Variants in KCNH3 observed in about 807,000 individuals in gnomAD.
KCNH3 encodes potassium voltage-gated channel subfamily H member 3.
KCNH3 carries 36 observed loss-of-function variants against 95.6 expected under a neutral mutation model. The observed-to-expected ratio is 0.38, with a 90% confidence interval of 0.29 to 0.50. The LOEUF (loss-of-function observed/expected upper bound fraction) is 0.50. Ranked by LOEUF, KCNH3 falls within the 20% of genes least tolerant of loss-of-function variation. The pLI is 0.95. For synonymous variants in KCNH3, 620 were observed against 646.3 expected (o/e 0.96, Z 0.62); for missense variants, 1,030 against 1,484.1 (o/e 0.69, Z 5.03).
At chr12:49,553,043 C>T (rs557396292) in intron 10 of KCNH3, among the ~76,000 whole-genome samples, 84 of 152,318 alleles carry the variant, frequency 5.5e-4, no homozygotes, top group Non-Finnish European at 8.8e-4. Flanking sequence ...TTTTGAAACA[C>T]TTTCTAACAG....
intron 11 of KCNH3, among the ~76,000 whole-genome samples, chr12:49,555,284 CA>C (rs1157061451): frequency 0.054 from 3,608 of 66,840 alleles, 55 homozygotes; most frequent in Non-Finnish European, 0.069. Flanking sequence ...ACTAAAAATA[CA>C]AAAAAAAAAA....
At chr12:49,541,812 C>T (rs373909626) in intron 3 of KCNH3, 48 bp downstream of exon 3, 42 of 1,600,704 alleles carry the variant, frequency 2.6e-5, no homozygotes, top group Non-Finnish European at 3.2e-5. Flanking sequence ...GCCGCAGGCC[C>T]GGGCGGGGCC....
In KCNH3 at chr12:49,542,782, C is replaced by G; in HGVS notation, c.522C>G (p.Leu174=). 2 of 1,600,094 alleles carry G rather than the reference C, an allele frequency of 1.2e-6. No individual in the cohort carries two copies. Among genetic ancestry groups the G allele is most frequent in the South Asian group, 2.3e-5 (2 of 88,134 alleles). ...NANRRRSRAV[L]YHLSGHLQKQ... Reference sequence around the variant, plus strand: ...ACCGGCGGCGGAGCCGGGCCGTGCTCTACCACCTGTCCGGGCACCTGCAGA... The same window carrying G: ...ACCGGCGGCGGAGCCGGGCCGTGCTGTACCACCTGTCCGGGCACCTGCAGA... Residue 174 remains leucine (L), a synonymous_variant, in exon 4 of 15, where the codon CTC becomes CTG. Coordinates refer to ENST00000257981, the MANE Select transcript of KCNH3 (RefSeq NM_012284.3).
In KCNH3 at chr12:49,556,476, G is replaced by A; in HGVS notation, c.2575G>A (p.Glu859Lys). 6.2e-7 allele frequency: 1 copy of A among 1,608,360 alleles called. No individual in the cohort carries two copies. Among genetic ancestry groups the A allele is most frequent in the Non-Finnish European group, 8.5e-7 (1 of 1,174,836 alleles). ...ECSSSPSPGP[E>K]SGLLTVPHGP... The stretch of plus-strand genomic sequence containing the variant: ...TAGCAGCAGCCCCTCCCCTGGACCA[G>A]GTACCAGGGCCCCGGGATGGTCTAG... The change falls in exon 13 of 15, where the codon GAG (glutamate) becomes AAG (lysine). Residue 859 changes from glutamate (E) to lysine (K), a missense_variant and splice_region_variant. Coordinates refer to ENST00000257981, the MANE Select transcript of KCNH3 (RefSeq NM_012284.3).
At chr12:49,544,145 T>TTCCCAA in intron 6 of KCNH3, 30 bp from the exon 7 acceptor site, 4 of 818,352 alleles carry the variant, frequency 4.9e-6, no homozygotes, top group Non-Finnish European at 7.8e-6. Context: ...CTGACCTCCC[T>TTCCCAA]CCCTCCCTCC....
At chr12:49,550,659 G>A (rs972972702) in intron 10 of KCNH3, among the ~76,000 whole-genome samples, 2 of 152,176 alleles carry the variant, frequency 1.3e-5, no homozygotes, top group African/African-American at 4.8e-5. Flanking sequence ...TGGAAGTGCT[G>A]GGGAGAGTGT....
intron 4 of KCNH3, among the ~76,000 whole-genome samples, 169 bp downstream of exon 4, chr12:49,543,008 G>GA (rs1163536763): frequency 6.6e-6 from 1 of 152,236 alleles, no homozygotes; most frequent in Non-Finnish European, 1.5e-5. Context: ...TCCATCAGAA[G>GA]AAAGTCCTGG....
At chr12:49,551,544 C>T (rs184658394) in intron 10 of KCNH3, among the ~76,000 whole-genome samples, 18 of 145,520 alleles carry the variant, frequency 1.2e-4, no homozygotes, top group African/African-American at 4.7e-4. Context: ...CCACTGCACT[C>T]CAGCCTGGGC....
At position 49,542,764 on chromosome 12, in the gene KCNH3, G is replaced by A; in HGVS notation, c.504G>A (p.Arg168=). ...CCAAAGGCTTCAATGCCAACCGGCG[G>A]CGGAGCCGGGCCGTGCTCTACCACC... is the stretch of plus-strand genomic sequence containing the variant. ...ARSKGFNANR[R]RSRAVLYHLS... The change falls in exon 4 of 15, where the codon CGG becomes CGA. Residue 168 remains arginine (R), a synonymous_variant. Coordinates refer to ENST00000257981, the MANE Select transcript of KCNH3 (RefSeq NM_012284.3). 3.8e-6 allele frequency: 6 copies of A among 1,593,020 alleles called. No individual in the cohort carries two copies. Among genetic ancestry groups the A allele is most frequent in the Middle Eastern group, 3.3e-4 (2 of 6,022 alleles).
At chr12:49,554,591 G>C in intron 11 of KCNH3, 37 bp downstream of exon 11, 1 of 1,556,606 alleles carries the variant, frequency 6.4e-7, no homozygotes, top group South Asian at 1.1e-5. Flanking sequence ...GGGGATGGGG[G>C]TGCCAGGGAG....
At chr12:49,557,289 G>T in intron 14 of KCNH3, 30 bp downstream of exon 14, 1 of 1,613,758 alleles carries the variant, frequency 6.2e-7, no homozygotes, top group South Asian at 1.1e-5. Flanking sequence ...GAGGTGAGGG[G>T]GGCACCAGGG....
At position 49,550,062 on chromosome 12, in the gene KCNH3, GCACCTGCT is replaced by G. The variant is rs774293308; in HGVS notation, c.1669-10_1669-3del. The G allele has an allele frequency of 6.0e-6, 3 of 501,660 alleles. No individual in the cohort carries two copies. The highest frequency in any genetic ancestry group is 4.4e-5 in the South Asian group (2 of 45,910). 31.1% of individuals were successfully genotyped at this position (501,660 alleles called of 1,614,324 possible). On this transcript the variant is annotated splice_polypyrimidine_tract_variant and intron_variant, in intron 9 of 14. Coordinates refer to ENST00000257981, the MANE Select transcript of KCNH3 (RefSeq NM_012284.3). ...TGCCACTCCCAACCCCCCCACCCCC[GCACCTGCT>G]CACCTGCAGCTGCTGCAGAGCCTCC...
chr12:49,549,396 C>T (rs371128065), intron 8 of KCNH3, 45 bp from the exon 9 acceptor site: 2 of 1,595,074 alleles, frequency 1.3e-6, no homozygotes, highest in African/African-American at 1.3e-5. Context: ...GGTGTCAGGC[C>T]GGGCCAGGTC....
rs1938160069 is a variant in KCNH3 at position 49,548,939 on chromosome 12, C to T, written c.1234C>T (p.Leu412=). 1 of 1,601,258 alleles carries T rather than the reference C, an allele frequency of 6.2e-7. No individual in the cohort carries two copies. Among genetic ancestry groups the T allele is most frequent in the East Asian group, 2.3e-5 (1 of 44,214 alleles). The change falls in exon 8 of 15, where the codon CTG becomes TTG. Residue 412 remains leucine (L), a synonymous_variant. Coordinates refer to ENST00000257981, the MANE Select transcript of KCNH3 (RefSeq NM_012284.3). The part of the protein sequence containing the change: ...LARRLETPYY[L]VGRRPAGGNS... ...CCGCCGACTGGAGACTCCCTACTACCTGGTGGGCCGGAGGCCAGCTGGAGG... is the reference window on the plus strand; with the variant it reads ...CCGCCGACTGGAGACTCCCTACTACTTGGTGGGCCGGAGGCCAGCTGGAGG...
chr12:49,553,204 C>T (rs940400146), intron 10 of KCNH3, among the ~76,000 whole-genome samples: 6 of 151,348 alleles, frequency 4.0e-5, no homozygotes, highest in Non-Finnish European at 5.9e-5. Flanking sequence ...GGTGTGATCT[C>T]GGCTCACTGC....
chr12:49,546,649 G>A (rs1938071854), intron 7 of KCNH3, among the ~76,000 whole-genome samples: 1 of 152,156 alleles, frequency 6.6e-6, no homozygotes, highest in Non-Finnish European at 1.5e-5. Flanking sequence ...CTTGGTGTGC[G>A]AGCCCCCAGC....
At chr12:49,546,509 C>G (rs1938067031) in intron 7 of KCNH3, among the ~76,000 whole-genome samples, 1 of 152,168 alleles carries the variant, frequency 6.6e-6, no homozygotes, top group South Asian at 2.1e-4. Context: ...AGCTTCCTTG[C>G]CTGGGTTTCC....
chr12:49,548,541 C>G (rs1360535769), intron 7 of KCNH3, among the ~76,000 whole-genome samples: 1 of 152,120 alleles, frequency 6.6e-6, no homozygotes, highest in Non-Finnish European at 1.5e-5. Context: ...GGTGGCCTCA[C>G]CATCCATCTT....
At position 49,546,666 on chromosome 12, in the gene KCNH3, G is replaced by A. The variant is rs1014628457; in HGVS notation, c.1190-2229G>A. 2.6e-5 allele frequency among the ~76,000 whole-genome samples: 4 copies of A among 152,280 alleles called. No homozygotes were observed. In the East Asian group the frequency reaches 7.7e-4, roughly 29 times the overall value. On this transcript the variant is annotated intron_variant, in intron 7 of 14. Transcript: ENST00000257981. Reference sequence around the variant, plus strand: ...TGGTGTGCGAGCCCCCAGCCTCCGGGACAGCTCCTGCTGGCCTGACCCCGC... The same window carrying A: ...TGGTGTGCGAGCCCCCAGCCTCCGGAACAGCTCCTGCTGGCCTGACCCCGC...
Sources: gnomAD v4.1 joint callset for allele counts (sites outside exome capture counted in the v4.1 genomes callset) on GRCh38, gnomAD v4.1.1 for gene constraint, MANE v1.5 for transcripts, NCBI Gene and HGNC (gene_info 2026-07-23, HGNC 2026-07-21) for gene names.